Variants in SH3RF1 observed in about 807,000 individuals in gnomAD.
SH3RF1 encodes the protein SH3 domain containing ring finger 1, also known as E3 ubiquitin-protein ligase SH3RF1.
A neutral mutation model predicts 74.0 loss-of-function variants in SH3RF1; 32 were observed. The observed-to-expected ratio is 0.43, with a 90% CI of 0.33 to 0.58. SH3RF1 has a LOEUF of 0.58. Ranked by LOEUF, SH3RF1 falls within the 20% of genes least tolerant of loss-of-function variation. SH3RF1 has a pLI of 0.05. For missense variants in SH3RF1, 954 were observed against 1,130.9 expected, an observed-to-expected ratio of 0.84 and a Z score of 2.24; for synonymous variants, 396 against 439.6, an observed-to-expected ratio of 0.90 and a Z score of 1.24.
At chr4:169,197,634 A>AAAAAAGCCC (rs796533900) in intron 2 of SH3RF1, among the ~76,000 whole-genome samples, 1,909 of 151,508 alleles carry the variant, frequency 0.013, 37 homozygotes, top group African/African-American at 0.043. Context: ...CAAAAAAAAA[A>AAAAAAGCCC]AAAAAGCCCA....
At chr4:169,235,715 T>C (rs1241977067) in intron 2 of SH3RF1, among the ~76,000 whole-genome samples, 2 of 152,064 alleles carry the variant, frequency 1.3e-5, no homozygotes, top group Admixed American at 6.6e-5. Context: ...TTTTGAGACA[T>C]AGTTTTGCTC....
intron 2 of SH3RF1, among the ~76,000 whole-genome samples, chr4:169,246,270 G>C (rs1029552371): frequency 3.9e-5 from 6 of 152,204 alleles, no homozygotes; most frequent in African/African-American, 1.2e-4. Context: ...ATTTCATAAA[G>C]AGAGCTCAGA....
intron 2 of SH3RF1, chr4:169,166,536 C>G (rs1827994): frequency 1.0e-5 from 2 of 195,838 alleles, no homozygotes; most frequent in East Asian, 1.2e-4. Context: ...AAAGTTCTTG[C>G]AACTGTTACA....
Position 169,204,937 on chromosome 4 carries a change from C to G in SH3RF1, c.394-48258G>C, listed in dbSNP as rs544452268. ...AATTCTAATATTAAGAAGCTGCTTG[C>G]TGATTTTTAAAAAGGCTTCACGAGA... On this transcript the variant is annotated intron_variant, in intron 2 of 11. Transcript: ENST00000284637. Among the ~76,000 whole-genome samples the G allele has an allele frequency of 7.9e-5, 12 of 152,224 alleles. No homozygotes were observed. In the East Asian group the frequency reaches 2.3e-3, roughly 29 times the overall value.
At chr4:169,116,117 C>G in intron 10 of SH3RF1, 152 bp downstream of exon 10, 3 of 1,111,670 alleles carry the variant, frequency 2.7e-6, no homozygotes, top group Non-Finnish European at 3.8e-6. Flanking sequence ...CACTCTACTC[C>G]TAGCACCTGG....
At chr4:169,150,380 A>AT (rs544763869) in intron 4 of SH3RF1, among the ~76,000 whole-genome samples, 141 of 152,288 alleles carry the variant, frequency 9.3e-4, no homozygotes, top group African/African-American at 3.3e-3. Flanking sequence ...ACAAAATTGT[A>AT]TATCTTTATC....
intron 5 of SH3RF1, among the ~76,000 whole-genome samples, chr4:169,131,774 G>A (rs1285764377): frequency 1.3e-5 from 2 of 152,248 alleles, no homozygotes; most frequent in Non-Finnish European, 2.9e-5. Context: ...TTGCATAGGA[G>A]TATAACTTTG....
intron 2 of SH3RF1, chr4:169,201,777 T>C (rs1463742465): frequency 6.6e-6 from 1 of 152,214 alleles, no homozygotes; most frequent in Non-Finnish European, 1.5e-5. Context: ...GTTGATTTTA[T>C]TTTTTCCAAT....
At chr4:169,206,494 G>A (rs938637791) in intron 2 of SH3RF1, among the ~76,000 whole-genome samples, 6 of 152,180 alleles carry the variant, frequency 3.9e-5, no homozygotes, top group African/African-American at 1.4e-4. Context: ...GCAACATGGT[G>A]AGACTCCGTC....
intron 2 of SH3RF1, among the ~76,000 whole-genome samples, chr4:169,257,981 A>ATG (rs1491177281): frequency 1.3e-5 from 2 of 152,214 alleles, no homozygotes; most frequent in East Asian, 3.9e-4. Context: ...TGAGAGCCAC[A>ATG]TGTCACCTCA....
intron 5 of SH3RF1, among the ~76,000 whole-genome samples, chr4:169,132,072 C>T (rs1733629084): frequency 1.3e-5 from 2 of 152,196 alleles, no homozygotes; most frequent in Admixed American, 6.6e-5. Context: ...TTTAACAAAT[C>T]TCTGCTTTTG....
intron 2 of SH3RF1, among the ~76,000 whole-genome samples, chr4:169,237,259 T>C (rs1579156095): frequency 6.6e-6 from 1 of 152,324 alleles, no homozygotes; most frequent in East Asian, 1.9e-4. Flanking sequence ...GATTTGAAAG[T>C]CATACTTAGA....
chr4:169,166,255 C>A (rs1046347595), intron 2 of SH3RF1: 3 of 152,440 alleles, frequency 2.0e-5, no homozygotes, highest in African/African-American at 7.2e-5. Flanking sequence ...GGCAAAAGTT[C>A]TTTCCCATCT....
intron 2 of SH3RF1, among the ~76,000 whole-genome samples, chr4:169,267,182 ATTAAG>A (rs751983275): frequency 8.5e-5 from 13 of 152,230 alleles, no homozygotes; most frequent in African/African-American, 1.4e-4. Context: ...TTCAAAAGAC[ATTAAG>A]TTGAGTGTTT....
intron 2 of SH3RF1, among the ~76,000 whole-genome samples, chr4:169,173,042 T>C (rs1734358476): frequency 6.6e-6 from 1 of 152,214 alleles, no homozygotes; most frequent in Non-Finnish European, 1.5e-5. Context: ...ATAGAGTATC[T>C]TGTTTACTAA....
intron 2 of SH3RF1, among the ~76,000 whole-genome samples, chr4:169,211,683 G>T (rs1018056879): frequency 6.6e-6 from 1 of 152,274 alleles, no homozygotes; most frequent in East Asian, 1.9e-4. Flanking sequence ...AAGGGGGGAA[G>T]TGTTATGAAC....
At chr4:169,121,640 T>C (rs923757050) in intron 7 of SH3RF1, among the ~76,000 whole-genome samples, 3 of 152,182 alleles carry the variant, frequency 2.0e-5, no homozygotes, top group Non-Finnish European at 4.4e-5. Flanking sequence ...ACAGTTGGTG[T>C]ATAAAATTAC....
intron 2 of SH3RF1, among the ~76,000 whole-genome samples, chr4:169,157,071 C>G (rs778827091): frequency 6.6e-6 from 1 of 152,172 alleles, no homozygotes; most frequent in African/African-American, 2.4e-5. Flanking sequence ...AAATGATAAA[C>G]ACTGAGGAGA....
intron 2 of SH3RF1, among the ~76,000 whole-genome samples, chr4:169,185,000 C>T (rs1042037931): frequency 3.9e-5 from 6 of 152,306 alleles, no homozygotes; most frequent in South Asian, 2.1e-4. Context: ...TCATTCCAGA[C>T]GTCCTGCAAG....
Sources: gnomAD v4.1 joint callset for allele counts (sites outside exome capture counted in the v4.1 genomes callset) on GRCh38, gnomAD v4.1.1 for gene constraint, MANE v1.5 for transcripts, NCBI Gene and HGNC (gene_info 2026-07-23, HGNC 2026-07-21) for gene names.